The following SCARA3 variants were observed in gnomAD, a reference collection of about 807,000 sequenced individuals.
The protein encoded by SCARA3 is cellular stress response gene protein.
A neutral mutation model predicts 47.0 loss-of-function variants in SCARA3; 39 were observed. The ratio of observed to expected loss-of-function variants is 0.83; its 90% CI spans 0.64 to 1.08. SCARA3 has a LOEUF of 1.08. Among genes scored for constraint, SCARA3 ranks in the 50% least tolerant of loss-of-function variants. The pLI is 0.00. For missense variants in SCARA3, 724 were observed against 792.3 expected (o/e 0.91, Z 1.04); for synonymous variants, 356 against 334.1 (o/e 1.07, Z -0.71).
At chr8:27,711,935 T>C in the SCARA3 span, among the ~76,000 whole-genome samples, 2 of 152,188 alleles carry the variant, frequency 1.3e-5, no homozygotes, top group Non-Finnish European at 2.9e-5. Flanking sequence ...GTCCATAGTT[T>C]ACATTAGGGT....
chr8:27,673,033 A>G (rs1802204609), downstream of SCARA3: 3 of 981,568 alleles, frequency 3.1e-6, no homozygotes, highest in Non-Finnish European at 3.6e-6. Context: ...GGTGTCTTTG[A>G]GTCCTTTCTG....
At position 27,671,162 on chromosome 8, in the gene SCARA3, G is replaced by A. The variant is rs572912457; in HGVS notation, c.1632G>A (p.Gly544=). 5.9e-6 allele frequency: 9 copies of A among 1,532,092 alleles called. No individual in the cohort carries two copies. Among genetic ancestry groups the A allele is most frequent in the Non-Finnish European group, 7.9e-6 (9 of 1,143,232 alleles). 94.9% of individuals were successfully genotyped at this position (1,532,092 alleles called of 1,614,324 possible). The change falls in exon 6 of 6, where the codon GGG becomes GGA. Residue 544 remains glycine, a synonymous_variant. Coordinates refer to ENST00000301904, the MANE Select transcript of SCARA3 (RefSeq NM_016240.3). ...AGCCAGGCCCAAAAGGGGACATAGG[G>A]CCCCCAGGGCCAGAAGGGCCCCCGG... The part of the protein sequence containing the change: ...RGQPGPKGDI[G]PPGPEGPPGS...
intron 5 of SCARA3, among the ~76,000 whole-genome samples, chr8:27,663,556 C>T (rs1438829965): frequency 1.3e-5 from 2 of 152,196 alleles, no homozygotes; most frequent in Non-Finnish European, 2.9e-5. Context: ...AGCTACCACC[C>T]AGTTCATGAT....
At position 27,671,570 on chromosome 8, in the gene SCARA3, GCA is replaced by G. The variant is rs1216865553; in HGVS notation, c.*226_*227del. The G allele has an allele frequency of 5.5e-6, 7 of 1,261,828 alleles. No homozygotes were observed. The highest frequency in any genetic ancestry group is 7.7e-5 in the Admixed American group (2 of 25,994). The allele number at this position is 1,261,828 out of a possible 1,614,324, so 78.2% of individuals were successfully genotyped here. On this transcript the variant is annotated 3_prime_UTR_variant, in exon 6 of 6. Coordinates refer to ENST00000301904, the MANE Select transcript of SCARA3 (RefSeq NM_016240.3). ...CATGTGCACATGCACACACATGCAT[GCA>G]CACACATGCACACATACACGCACAT...
the SCARA3 span, among the ~76,000 whole-genome samples, chr8:27,714,192 C>CTTTT: frequency 2.6e-5 from 3 of 114,400 alleles, no homozygotes; most frequent in African/African-American, 1.1e-4. Flanking sequence ...CTCAGGTATT[C>CTTTT]CTTTTTTTTT....
the SCARA3 span, among the ~76,000 whole-genome samples, chr8:27,721,893 G>A: frequency 2.0e-5 from 3 of 152,118 alleles, no homozygotes; most frequent in Non-Finnish European, 4.4e-5. Context: ...ACCAGCCTGG[G>A]CAATGTAGCG....
At chr8:27,663,168 G>C (rs1358799779) in intron 5 of SCARA3, among the ~76,000 whole-genome samples, 1 of 152,104 alleles carries the variant, frequency 6.6e-6, no homozygotes, top group African/African-American at 2.4e-5. Flanking sequence ...GAACGATCAG[G>C]TGCACAGCCC....
chr8:27,649,916 T>C, intron 2 of SCARA3, 116 bp downstream of exon 2: 1 of 815,454 alleles, frequency 1.2e-6, no homozygotes, highest in Admixed American at 2.7e-5. Flanking sequence ...TGGGTGTCCT[T>C]TCCCCACTGC....
chr8:27,698,756 C>T, the SCARA3 span, among the ~76,000 whole-genome samples: 2 of 151,784 alleles, frequency 1.3e-5, no homozygotes, highest in African/African-American at 2.4e-5. Context: ...AATCATTTAG[C>T]AACAGCATAA....
At chr8:27,717,050 A>C in the SCARA3 span, among the ~76,000 whole-genome samples, 1 of 152,242 alleles carries the variant, frequency 6.6e-6, no homozygotes, top group Non-Finnish European at 1.5e-5. Context: ...TCCTAAAAAA[A>C]AATGCCAAGG....
chr8:27,710,975 T>C, the SCARA3 span, among the ~76,000 whole-genome samples: 1 of 142,640 alleles, frequency 7.0e-6, no homozygotes, highest in South Asian at 2.2e-4. Flanking sequence ...CAGGCTGGAG[T>C]GCAGTGGCAC....
chr8:27,659,455 C>T lies in SCARA3; in HGVS notation c.1285C>T (p.Arg429Trp), dbSNP rs757635106. 1.4e-5 allele frequency: 22 copies of T among 1,613,814 alleles called. No homozygotes were observed. The highest frequency in any genetic ancestry group is 4.5e-5 in the East Asian group (2 of 44,876). The change falls in exon 5 of 6, where the codon CGG (arginine) becomes TGG (tryptophan). Residue 429 changes from arginine to tryptophan, a missense_variant. Arg to Trp is a moderately radical substitution (Grantham distance 101). Coordinates refer to ENST00000301904, the MANE Select transcript of SCARA3 (RefSeq NM_016240.3). Reference protein sequence around the residue: ...LLSARLDLNVRNLSMIVEEMK... With the variant: ...LLSARLDLNVWNLSMIVEEMK... ...CAGTGCCCGGCTGGACCTCAACGTC[C>T]GGAACCTCTCCATGATCGTGGAGGA...
intron 5 of SCARA3, among the ~76,000 whole-genome samples, chr8:27,660,618 T>TAGATA (rs1554539818): frequency 1.8e-4 from 24 of 130,990 alleles, no homozygotes; most frequent in South Asian, 2.7e-4. Flanking sequence ...TAGAGATAGA[T>TAGATA]GATAGATAGA....
chr8:27,713,937 G>T, the SCARA3 span, among the ~76,000 whole-genome samples: 1 of 152,136 alleles, frequency 6.6e-6, no homozygotes, highest in Admixed American at 6.5e-5. Context: ...TCATGGCTTG[G>T]TGCTGTCTTT....
At chr8:27,645,498 T>C (rs1264456653) in intron 1 of SCARA3, among the ~76,000 whole-genome samples, 1 of 152,270 alleles carries the variant, frequency 6.6e-6, no homozygotes, top group Non-Finnish European at 1.5e-5. Flanking sequence ...GAGATGGGCA[T>C]GTGCAACTCT....
chr8:27,660,693 T>TGATAGATA (rs200533534), intron 5 of SCARA3, among the ~76,000 whole-genome samples: 2,052 of 89,376 alleles, frequency 0.023, 24 homozygotes, highest in South Asian at 0.032. Context: ...GAGTGATAGA[T>TGATAGATA]GATAGATAGA....
the SCARA3 span, among the ~76,000 whole-genome samples, chr8:27,699,009 C>A: frequency 0.34 from 51,673 of 151,616 alleles, 9,678 homozygotes; most frequent in East Asian, 0.45. Flanking sequence ...CTCTGGGAGG[C>A]CGAGGCAGGT....
the SCARA3 span, among the ~76,000 whole-genome samples, chr8:27,719,537 T>TA: frequency 0.044 from 6,165 of 139,658 alleles, 340 homozygotes; most frequent in African/African-American, 0.12. Flanking sequence ...AAATAAAAGT[T>TA]AAAAAAAAAA....
downstream of SCARA3, among the ~76,000 whole-genome samples, chr8:27,675,101 T>C (rs1436226448): frequency 6.6e-6 from 1 of 152,102 alleles, no homozygotes; most frequent in African/African-American, 2.4e-5. Flanking sequence ...TGAGTGCCTC[T>C]AAAAACCCCA....
Sources: gnomAD v4.1 joint callset for allele counts (sites outside exome capture counted in the v4.1 genomes callset) on GRCh38, gnomAD v4.1.1 for gene constraint, MANE v1.5 for transcripts, NCBI Gene and HGNC (gene_info 2026-07-23, HGNC 2026-07-21) for gene names.